The following ERGIC1 variants were observed in gnomAD, a reference collection of about 807,000 sequenced individuals.
ERGIC1 encodes the protein endoplasmic reticulum-golgi intermediate compartment 1, also known as endoplasmic reticulum-Golgi intermediate compartment protein 1.
Under a neutral mutation model 38.3 loss-of-function variants are expected in ERGIC1, and 19 were observed. That is an observed-to-expected ratio of 0.50 (90% CI 0.35 to 0.73). ERGIC1 has a LOEUF of 0.73. ERGIC1 is among the 30% of genes least tolerant of loss of function. The pLI is 0.01. For missense variants in ERGIC1, 294 were observed against 389.2 expected (o/e 0.76, Z 2.06); for synonymous variants, 124 against 157.6 (o/e 0.79, Z 1.60).
intron 2 of ERGIC1, among the ~76,000 whole-genome samples, chr5:172,891,482 A>C (rs1232669385): frequency 2.0e-5 from 3 of 150,556 alleles, no homozygotes; most frequent in Non-Finnish European, 3.0e-5. Context: ...TCTGTCCCCC[A>C]GGCTGGAGTA....
At position 172,926,570 on chromosome 5, in the gene ERGIC1, G is replaced by A. The variant is rs757338251; in HGVS notation, c.541+1G>A. Reference sequence around the variant, plus strand: ...GGAGCAGACAGACTCACCTCCAACCGTATGTATCCCTGCTGGGAACAGCCT... The same window carrying A: ...GGAGCAGACAGACTCACCTCCAACCATATGTATCCCTGCTGGGAACAGCCT... On this transcript the variant is annotated splice_donor_variant, in intron 7 of 9. Transcript: ENST00000393784. LOFTEE classifies it high-confidence loss of function. This position sits in a 1 kb window ranked among gnomAD's most constrained non-coding sequence, Gnocchi z 5.2. 7 of 1,612,000 alleles carry A rather than the reference G, an allele frequency of 4.3e-6. No homozygotes were observed. The highest frequency in any genetic ancestry group is 2.7e-5 in the African/African-American group (2 of 74,878).
At chr5:172,897,813 C>G (rs1202599281) in intron 3 of ERGIC1, 1 of 413,968 alleles carries the variant, frequency 2.4e-6, no homozygotes, top group East Asian at 3.6e-5. Context: ...GCCCCCTGGA[C>G]TAACCCCCTT....
At chr5:172,912,460 T>C (rs1763230270) in intron 4 of ERGIC1, among the ~76,000 whole-genome samples, 1 of 152,220 alleles carries the variant, frequency 6.6e-6, no homozygotes, top group African/African-American at 2.4e-5. Flanking sequence ...CGATCTTAGC[T>C]CACTGCAACC....
rs70984920 is a variant in ERGIC1 at position 172,909,168 on chromosome 5, CTTT to C, written c.156-483_156-481del. ...CTTTCCTGAGCCCCAGCCCTCCCCT[CTTT>C]TTTTTTTTTTTTTTTGAGACGGAGT... On this transcript the variant is annotated intron_variant, in intron 3 of 9. Coordinates refer to ENST00000393784, the MANE Select transcript of ERGIC1 (RefSeq NM_001031711.3). Among the ~76,000 whole-genome samples the C allele has an allele frequency of 7.0e-4, 57 of 80,868 alleles. 1 individual carries two copies. The South Asian group carries it at 8.2e-3, about 12-fold the overall frequency. The allele number at this position is 80,868 out of a possible 152,430, so 53.1% of individuals were successfully genotyped here.
intron 3 of ERGIC1, among the ~76,000 whole-genome samples, chr5:172,904,550 G>A (rs1762970943): frequency 6.6e-6 from 1 of 152,224 alleles, no homozygotes. Context: ...TGGTGACAGG[G>A]GAGTCAGGCC....
At chr5:172,872,254 G>A (rs1031889740) in intron 1 of ERGIC1, among the ~76,000 whole-genome samples, 13 of 152,212 alleles carry the variant, frequency 8.5e-5, no homozygotes, top group African/African-American at 2.9e-4. Context: ...CTGAGTCACT[G>A]TCTCTACACA....
intron 9 of ERGIC1, 109 bp downstream of exon 9, chr5:172,935,419 C>G (rs1332604235): frequency 1.3e-6 from 2 of 1,493,298 alleles, no homozygotes; most frequent in Non-Finnish European, 9.2e-7. Context: ...AGGAGGCAGC[C>G]TGCAGGGCTA....
chr5:172,844,120 G>A (rs952646106), intron 1 of ERGIC1, among the ~76,000 whole-genome samples: 1 of 152,216 alleles, frequency 6.6e-6, no homozygotes, highest in Non-Finnish European at 1.5e-5. Flanking sequence ...GAGATGGTCA[G>A]ACCCAGAGTT....
chr5:172,834,429 A>G lies in ERGIC1; in HGVS notation c.16A>G (p.Arg6Gly). The change falls in exon 1 of 10, where the codon AGG (arginine) becomes GGG (glycine). Residue 6 changes from arginine to glycine, a missense_variant. Arg to Gly is a moderately radical substitution (Grantham distance 125, BLOSUM62 -2). Coordinates refer to ENST00000393784, the MANE Select transcript of ERGIC1 (RefSeq NM_001031711.3). This position sits in a 1 kb window ranked among gnomAD's most constrained non-coding sequence, Gnocchi z 4.1. MPFDF[R>G]RFDIYRKVPK... ...CGGCGGCACGATGCCCTTTGACTTCAGGAGGTGAGTGTGGCGACCCCGGCC... is the reference window on the plus strand; with the variant it reads ...CGGCGGCACGATGCCCTTTGACTTCGGGAGGTGAGTGTGGCGACCCCGGCC... 7.5e-7 allele frequency: 1 copy of G among 1,337,436 alleles called. No homozygotes were observed. Among genetic ancestry groups the G allele is most frequent in the South Asian group, 1.9e-5 (1 of 52,296 alleles). The allele number at this position is 1,337,436 out of a possible 1,614,324, so 82.8% of individuals were successfully genotyped here. A position where few individuals can be genotyped will look rare whatever the true frequency, so the allele number is the denominator to read the frequency against.
chr5:172,870,566 T>G (rs1454913214), intron 1 of ERGIC1, among the ~76,000 whole-genome samples: 2 of 152,226 alleles, frequency 1.3e-5, no homozygotes, highest in African/African-American at 4.8e-5. Context: ...GAGGGAAAGG[T>G]GTTTCCTCTC....
At chr5:172,890,612 A>G (rs1037786353) in intron 2 of ERGIC1, among the ~76,000 whole-genome samples, 2 of 152,276 alleles carry the variant, frequency 1.3e-5, no homozygotes, top group Middle Eastern at 3.4e-3. Context: ...CCTTGCAAAC[A>G]GGGGATGCTT....
intron 1 of ERGIC1, among the ~76,000 whole-genome samples, chr5:172,862,307 C>CAAA (rs58968820): frequency 0.039 from 1,907 of 49,248 alleles, 410 homozygotes; most frequent in Middle Eastern, 0.11. Context: ...GACTACATCT[C>CAAA]AAAAAAAAAA....
chr5:172,923,031 G>C (rs1763563316), intron 5 of ERGIC1, among the ~76,000 whole-genome samples: 1 of 152,076 alleles, frequency 6.6e-6, no homozygotes, highest in Admixed American at 6.6e-5. Context: ...AGTGAGAAAG[G>C]GGGGTTCCAG....
chr5:172,861,632 C>T (rs1444287407), intron 1 of ERGIC1, among the ~76,000 whole-genome samples: 1 of 152,164 alleles, frequency 6.6e-6, no homozygotes, highest in Non-Finnish European at 1.5e-5. Context: ...GTCAAGACAC[C>T]CAGCACTGTG....
At chr5:172,887,272 G>C (rs1350247925) in intron 1 of ERGIC1, among the ~76,000 whole-genome samples, 1 of 152,218 alleles carries the variant, frequency 6.6e-6, no homozygotes, top group South Asian at 2.1e-4. Context: ...GTCAAGTTCT[G>C]TCTGAGAGCT....
rs1378198339 is a variant in ERGIC1 at position 172,837,530 on chromosome 5, C to A, written c.20+3097C>A. Reference sequence around the variant, plus strand: ...AAGGTTGCATCTCCAGCACCTAGAACTGTGCTTGAGCCAAACTCGATCCTT... The same window carrying A: ...AAGGTTGCATCTCCAGCACCTAGAAATGTGCTTGAGCCAAACTCGATCCTT... On this transcript the variant is annotated intron_variant, in intron 1 of 9. Transcript: ENST00000393784. This position sits in a 1 kb window ranked among gnomAD's most constrained non-coding sequence, Gnocchi z 4.3. Among the ~76,000 whole-genome samples, 2 of 152,220 alleles carry A rather than the reference C, an allele frequency of 1.3e-5. No individual in the cohort carries two copies. The highest frequency in any genetic ancestry group is 1.3e-4 in the Admixed American group (2 of 15,288).
chr5:172,909,847 C>G, intron 4 of ERGIC1, 86 bp downstream of exon 4: 3 of 1,182,362 alleles, frequency 2.5e-6, no homozygotes, highest in Non-Finnish European at 3.8e-6. Flanking sequence ...ATCTCCAGGA[C>G]AAGCCAAGCC....
intron 7 of ERGIC1, among the ~76,000 whole-genome samples, chr5:172,929,153 ATGTGTGTG>A (rs70984922): frequency 1.3e-5 from 2 of 149,956 alleles, no homozygotes; most frequent in African/African-American, 4.9e-5. Context: ...ATATATATAT[ATGTGTGTG>A]TGTGTGTGTG....
chr5:172,897,953 G>A, intron 3 of ERGIC1: 1 of 413,502 alleles, frequency 2.4e-6, no homozygotes, highest in East Asian at 3.6e-5. Flanking sequence ...GCTCTGGGGT[G>A]TGTGTAACAG....
Sources: allele counts gnomAD v4.1 joint callset (sites outside exome capture counted in the v4.1 genomes callset), GRCh38; gene constraint gnomAD v4.1.1; non-coding constraint Gnocchi (gnomAD v3.1); transcripts MANE v1.5; gene names NCBI Gene and HGNC (gene_info 2026-07-23, HGNC 2026-07-21).